The following PMEPA1 variants were observed in gnomAD, a reference collection of about 807,000 sequenced individuals.
PMEPA1 encodes prostate transmembrane protein, androgen induced 1.
Under a neutral mutation model 23.0 loss-of-function variants are expected in PMEPA1, and 11 were observed. The observed-to-expected ratio is 0.48, with a 90% CI of 0.30 to 0.79. The LOEUF is 0.79. Ranked by LOEUF, PMEPA1 falls within the 30% of genes least tolerant of loss-of-function variation. The pLI, the probability that PMEPA1 is intolerant of heterozygous loss-of-function variation, is 0.06. For missense variants in PMEPA1, 377 were observed against 390.9 expected (o/e 0.96, Z 0.30); for synonymous variants, 204 against 166.4 (o/e 1.23, Z -1.74).
rs985360083 is a variant in PMEPA1, at chr20:57,650,715, C to G, written c.*1338G>C. The stretch of plus-strand genomic sequence containing the variant: ...GCTCAACTGCTTTACTCATTTTAAC[C>G]CTTTCACCTATCCTGGGAGAAACCC... On this transcript the variant is annotated 3_prime_UTR_variant, in exon 4 of 4. Coordinates refer to ENST00000341744, the MANE Select transcript of PMEPA1 (RefSeq NM_020182.5). The G allele has an allele frequency of 6.6e-6, 1 of 152,250 alleles. No homozygotes were observed. Among genetic ancestry groups the G allele is most frequent in the Non-Finnish European group, 1.5e-5 (1 of 68,060 alleles). The allele number at this position is 152,250 out of a possible 1,614,324, so 9.4% of individuals were successfully genotyped here.
intron 1 of PMEPA1, among the ~76,000 whole-genome samples, chr20:57,690,084 G>A (rs1418928967): frequency 6.6e-6 from 1 of 152,230 alleles, no homozygotes; most frequent in African/African-American, 2.4e-5. Flanking sequence ...GGATAAGGAG[G>A]ACGAGGCTCT....
intron 2 of PMEPA1, 81 bp from the exon 3 acceptor site, chr20:57,653,167 A>G: frequency 8.5e-7 from 1 of 1,170,884 alleles, no homozygotes. Flanking sequence ...TTCGACTCTT[A>G]GGCCTTTACC....
chr20:57,653,802 C>G (rs1357059717), intron 2 of PMEPA1, among the ~76,000 whole-genome samples: 1 of 152,226 alleles, frequency 6.6e-6, no homozygotes, highest in African/African-American at 2.4e-5. Flanking sequence ...CCTTGGAGAC[C>G]AGCATCTGAA....
intron 1 of PMEPA1, among the ~76,000 whole-genome samples, chr20:57,702,255 T>C (rs2146712644): frequency 6.6e-6 from 1 of 152,302 alleles, no homozygotes; most frequent in Non-Finnish European, 1.5e-5. Flanking sequence ...CTGTGTCTAG[T>C]GATGTCCCCT....
chr20:57,705,022 C>T (rs962419432), intron 1 of PMEPA1, among the ~76,000 whole-genome samples: 20 of 152,148 alleles, frequency 1.3e-4, no homozygotes, highest in African/African-American at 4.8e-4. Context: ...TGCACTCTTC[C>T]TCCTTTTCTT....
rs959328928 is a variant in PMEPA1, at chr20:57,655,567, G to A, written c.265-2481C>T. ...GTGGCTTGAGAAGTCGGGGGAGGTGGGCCCAGCTTCAGAATTGTCTGGAAC... is the reference window on the plus strand; with the variant it reads ...GTGGCTTGAGAAGTCGGGGGAGGTGAGCCCAGCTTCAGAATTGTCTGGAAC... On this transcript the variant is annotated intron_variant, in intron 2 of 3. Transcript: ENST00000341744. The surrounding 1 kb of genome is among the most constrained non-coding windows in gnomAD (Gnocchi z 4.2). Among the ~76,000 whole-genome samples, 2 of 152,178 alleles carry A rather than the reference G, an allele frequency of 1.3e-5. No individual in the cohort carries two copies. Among genetic ancestry groups the A allele is most frequent in the Non-Finnish European group, 2.9e-5 (2 of 68,030 alleles).
In PMEPA1 at chr20:57,655,993, C is replaced by T. The variant is rs909510127; in HGVS notation, c.265-2907G>A. Among the ~76,000 whole-genome samples the T allele has an allele frequency of 2.0e-5, 3 of 152,000 alleles. No homozygotes were observed. Among genetic ancestry groups the T allele is most frequent in the Admixed American group, 6.5e-5 (1 of 15,278 alleles). ...AAACCAGGCAGCCGCAGTGAGCTGA[C>T]GCTCAGGCAGCTCCTCCCAGACCCC... On this transcript the variant is annotated intron_variant, in intron 2 of 3. Transcript: ENST00000341744. The surrounding 1 kb of genome is among the most constrained non-coding windows in gnomAD (Gnocchi z 4.2).
At chr20:57,677,047 C>T (rs1042461539) in intron 1 of PMEPA1, among the ~76,000 whole-genome samples, 3 of 152,250 alleles carry the variant, frequency 2.0e-5, no homozygotes, top group African/African-American at 7.2e-5. Flanking sequence ...TGGCCTTTCG[C>T]CTGCTCCCAC....
rs970830997 is a variant in PMEPA1, at chr20:57,682,960, C to T, written c.110-23263G>A. 7.9e-5 allele frequency among the ~76,000 whole-genome samples: 12 copies of T among 152,202 alleles called. No individual in the cohort carries two copies. The highest frequency in any genetic ancestry group is 2.1e-4 in the South Asian group (1 of 4,828). ...GCACACCAAGACGGTCTTGAAACTC[C>T]GGCTTCTCCAACTCTTCAGAAAAGG... On this transcript the variant is annotated intron_variant, in intron 1 of 3. Coordinates refer to ENST00000341744, the MANE Select transcript of PMEPA1 (RefSeq NM_020182.5). This position sits in a 1 kb window ranked among gnomAD's most constrained non-coding sequence, Gnocchi z 4.4.
At chr20:57,690,281 C>T in intron 1 of PMEPA1, 1 of 534,032 alleles carries the variant, frequency 1.9e-6, no homozygotes, top group Non-Finnish European at 3.5e-6. Flanking sequence ...GGGCACAGAC[C>T]ACCCGGGGGG....
At chr20:57,700,025 TTCTTAACC>T in intron 1 of PMEPA1, 1 of 471,204 alleles carries the variant, frequency 2.1e-6, no homozygotes, top group Non-Finnish European at 4.4e-6. Flanking sequence ...CCTTTTTGTA[TTCTTAACC>T]ACTGACACTC....
In PMEPA1 at chr20:57,709,511, G is replaced by A. The variant is rs1298333142; in HGVS notation, c.72C>T (p.Cys24=). The change falls in exon 1 of 4, where the codon TGC becomes TGT. Residue 24 remains cysteine (C), a synonymous_variant. Transcript: ENST00000341744. ...AAGQPNVSCT[C]NCKRSLFQSM... is the part of the protein sequence containing the mutation. ...TCTGGAACAAAGAGCGTTTGCAGTT[G>A]CACGTGCAGGAGACATTGGGCTGCC... 13 of 1,143,264 alleles carry A rather than the reference G, an allele frequency of 1.1e-5. No individual in the cohort carries two copies. Among genetic ancestry groups the A allele is most frequent in the Non-Finnish European group, 1.4e-5 (13 of 909,534 alleles). 70.8% of individuals were successfully genotyped at this position (1,143,264 alleles called of 1,614,324 possible).
intron 1 of PMEPA1, among the ~76,000 whole-genome samples, chr20:57,693,463 C>T (rs2071908398): frequency 6.6e-6 from 1 of 152,358 alleles, no homozygotes; most frequent in East Asian, 1.9e-4. Flanking sequence ...ACCTCCCCGC[C>T]CCGGGACTTT....
intron 1 of PMEPA1, among the ~76,000 whole-genome samples, chr20:57,686,763 G>C (rs527937146): frequency 6.6e-5 from 10 of 152,368 alleles, no homozygotes; most frequent in Admixed American, 2.0e-4. Context: ...GCAATGAAGA[G>C]GAGATGACAG....
At chr20:57,673,508 G>A (rs887408568) in intron 1 of PMEPA1, among the ~76,000 whole-genome samples, 1 of 152,206 alleles carries the variant, frequency 6.6e-6, no homozygotes, top group Non-Finnish European at 1.5e-5. Context: ...AAGCCGGCAT[G>A]AGCCCGGCAT....
At position 57,651,984 on chromosome 20, in the gene PMEPA1, C is replaced by A; in HGVS notation, c.*69G>T. The stretch of plus-strand genomic sequence containing the variant: ...TGCGCCCCCCGCCTTCCTCTCACTC[C>A]TCTTCTAAGAAGCGCGGAGTGTTCT... On this transcript the variant is annotated 3_prime_UTR_variant, in exon 4 of 4. Coordinates refer to ENST00000341744, the MANE Select transcript of PMEPA1 (RefSeq NM_020182.5). 1 of 1,353,808 alleles carries A rather than the reference C, an allele frequency of 7.4e-7. No individual in the cohort carries two copies. The highest frequency in any genetic ancestry group is 9.8e-7 in the Non-Finnish European group (1 of 1,019,114). The allele number at this position is 1,353,808 out of a possible 1,614,324, so 83.9% of individuals were successfully genotyped here.
At chr20:57,658,848 C>T (rs942907411) in intron 2 of PMEPA1, among the ~76,000 whole-genome samples, 2 of 152,224 alleles carry the variant, frequency 1.3e-5, no homozygotes, top group East Asian at 3.9e-4. Flanking sequence ...TGGGTCAGGG[C>T]TGCAGGACTG....
At chr20:57,665,939 A>G (rs749960778) in intron 1 of PMEPA1, among the ~76,000 whole-genome samples, 62 of 152,246 alleles carry the variant, frequency 4.1e-4, no homozygotes, top group Non-Finnish European at 7.9e-4. Context: ...CCGCCGTGGC[A>G]ACACAAGCCG....
At chr20:57,654,897 C>G (rs1322986199) in intron 2 of PMEPA1, among the ~76,000 whole-genome samples, 2 of 152,088 alleles carry the variant, frequency 1.3e-5, no homozygotes, top group Admixed American at 1.3e-4. Flanking sequence ...TTGCCCTTCC[C>G]CAGGGCCCTT....
Sources: gnomAD v4.1 joint callset for allele counts (sites outside exome capture counted in the v4.1 genomes callset) on GRCh38, gnomAD v4.1.1 for gene constraint, Gnocchi (gnomAD v3.1) non-coding constraint, MANE v1.5 for transcripts, NCBI Gene and HGNC (gene_info 2026-07-23, HGNC 2026-07-21) for gene names.